Variants in GABRG3 observed in about 807,000 individuals in gnomAD.
The protein encoded by GABRG3 is gamma-aminobutyric acid type A receptor subunit gamma3.
GABRG3 carries 25 observed loss-of-function variants against 48.8 expected under a neutral mutation model. The observed-to-expected ratio is 0.51, with a 90% CI of 0.37 to 0.72. The LOEUF is 0.72. GABRG3 is among the 30% of genes least tolerant of loss of function. The pLI, the probability that GABRG3 is intolerant of heterozygous loss-of-function variation, is 0.00. For synonymous variants in GABRG3, 227 were observed against 217.6 expected, an observed-to-expected ratio of 1.04 and a Z score of -0.38; for missense variants, 394 against 577.9, an observed-to-expected ratio of 0.68 and a Z score of 3.26.
intron 2 of GABRG3, among the ~76,000 whole-genome samples, chr15:27,009,947 TTTC>T (rs907629477): frequency 6.6e-5 from 10 of 152,112 alleles, no homozygotes; most frequent in African/African-American, 1.4e-4. Context: ...TTCATTCTTC[TTTC>T]TTCTTCTTTT....
chr15:27,336,577 T>G (rs932038783), intron 5 of GABRG3, among the ~76,000 whole-genome samples: 1 of 152,248 alleles, frequency 6.6e-6, no homozygotes, highest in Non-Finnish European at 1.5e-5. Flanking sequence ...CTGGTGGGAA[T>G]GTAGAATGAC....
intron 3 of GABRG3, among the ~76,000 whole-genome samples, chr15:27,238,973 C>T (rs1890057320): frequency 6.6e-6 from 1 of 152,066 alleles, no homozygotes; most frequent in Non-Finnish European, 1.5e-5. Context: ...GAAGTGTCAA[C>T]CTAAATAACA....
At chr15:27,413,886 A>T (rs1887869116) in intron 5 of GABRG3, among the ~76,000 whole-genome samples, 1 of 152,186 alleles carries the variant, frequency 6.6e-6, no homozygotes, top group African/African-American at 2.4e-5. Context: ...CAGTTAATTA[A>T]TGTTCATGTT....
intron 3 of GABRG3, among the ~76,000 whole-genome samples, chr15:27,249,143 C>T (rs868258916): frequency 6.6e-6 from 1 of 152,182 alleles, no homozygotes; most frequent in African/African-American, 2.4e-5. Context: ...TCAGGTGATG[C>T]GGCTGCGGGA....
intron 2 of GABRG3, among the ~76,000 whole-genome samples, chr15:27,022,736 G>A (rs1449277393): frequency 6.6e-6 from 1 of 152,136 alleles, no homozygotes; most frequent in Non-Finnish European, 1.5e-5. Flanking sequence ...CAGCAAGGCT[G>A]CTGTCAGGTC....
intron 5 of GABRG3, among the ~76,000 whole-genome samples, chr15:27,393,863 G>T (rs1420934849): frequency 6.6e-6 from 1 of 152,262 alleles, no homozygotes; most frequent in East Asian, 1.9e-4. Context: ...ATTACTGAAT[G>T]GGCTTACGAT....
At chr15:27,231,409 A>C (rs946562981) in intron 3 of GABRG3, among the ~76,000 whole-genome samples, 1 of 152,234 alleles carries the variant, frequency 6.6e-6, no homozygotes, top group African/African-American at 2.4e-5. Flanking sequence ...CAAAGCTTGA[A>C]GCTTTGAAGC....
intron 2 of GABRG3, among the ~76,000 whole-genome samples, chr15:26,998,248 C>G (rs1378543277): frequency 6.6e-6 from 1 of 152,154 alleles, no homozygotes; most frequent in Non-Finnish European, 1.5e-5. Context: ...CTTGATTGCT[C>G]TCCATCAAGA....
chr15:27,337,849 C>T (rs907819771), intron 5 of GABRG3, among the ~76,000 whole-genome samples: 29 of 152,182 alleles, frequency 1.9e-4, no homozygotes, highest in Admixed American at 5.2e-4. Flanking sequence ...CTCTCACACA[C>T]ACAAATAAGC....
Position 26,977,138 on chromosome 15 carries a change from C to A in GABRG3, c.190C>A (p.Pro64Thr). 1 of 1,612,170 alleles carries A rather than the reference C, an allele frequency of 6.2e-7. No individual in the cohort carries two copies. Among genetic ancestry groups the A allele is most frequent in the Non-Finnish European group, 8.5e-7 (1 of 1,178,946 alleles). The change falls in exon 2 of 10, where the codon CCA becomes ACA. Residue 64 changes from proline to threonine, a missense_variant. Around this residue, in one of 3 missense-constraint regions of GABRG3, gnomAD observed 218 missense variants for 309.9 expected, o/e 0.70. Transcript: ENST00000615808. ...LLREYDKKLR[P>T]DIGIKPTVID... ...AAGAGAATATGATAAAAAGCTGAGG[C>A]CAGATATTGGAAGTGAGTGTTGTTT...
intron 3 of GABRG3, among the ~76,000 whole-genome samples, chr15:27,259,771 A>G (rs1018179314): frequency 6.6e-6 from 1 of 152,150 alleles, no homozygotes; most frequent in African/African-American, 2.4e-5. Flanking sequence ...TACAATGGAG[A>G]CAAGATATTA....
chr15:27,501,580 C>A (rs1042258316), intron 6 of GABRG3, among the ~76,000 whole-genome samples: 1 of 152,120 alleles, frequency 6.6e-6, no homozygotes, highest in African/African-American at 2.4e-5. Flanking sequence ...TAACTGACAG[C>A]TCATCTCTCA....
At chr15:27,293,443 C>G (rs1389210554) in intron 3 of GABRG3, among the ~76,000 whole-genome samples, 3 of 135,524 alleles carry the variant, frequency 2.2e-5, no homozygotes, top group Non-Finnish European at 2.9e-5. Flanking sequence ...AATCCCAGCA[C>G]TTTGAGGGAT....
intron 3 of GABRG3, among the ~76,000 whole-genome samples, chr15:27,101,153 A>C (rs1265648628): frequency 6.6e-6 from 1 of 152,240 alleles, no homozygotes; most frequent in Admixed American, 6.5e-5. Flanking sequence ...TTACATTTGT[A>C]TATAATAACA....
At chr15:27,003,717 C>T (rs559002800) in intron 2 of GABRG3, among the ~76,000 whole-genome samples, 13,004 of 152,026 alleles carry the variant, frequency 0.086, 637 homozygotes, top group Middle Eastern at 0.22. Context: ...CATCATGGCC[C>T]GTTCTCAATG....
intron 3 of GABRG3, among the ~76,000 whole-genome samples, chr15:27,261,870 CAAT>C (rs1310844738): frequency 1.3e-5 from 2 of 151,918 alleles, no homozygotes. Context: ...GAGTTTAGGC[CAAT>C]AATAATGTTT....
chr15:27,480,258 G>T (rs758386566), intron 5 of GABRG3, among the ~76,000 whole-genome samples: 4 of 152,224 alleles, frequency 2.6e-5, no homozygotes, highest in Non-Finnish European at 5.9e-5. Context: ...GGGAAGGATG[G>T]AAGGTGTGTG....
chr15:27,019,519 A>T (rs1005620152), intron 2 of GABRG3, among the ~76,000 whole-genome samples: 3 of 152,230 alleles, frequency 2.0e-5, no homozygotes, highest in Admixed American at 6.5e-5. Flanking sequence ...TGGGAACAGG[A>T]ATGCTACTGC....
At position 26,977,168 on chromosome 15, in the gene GABRG3, T is replaced by C; in HGVS notation, c.202+18T>C. 1 of 1,602,362 alleles carries C rather than the reference T, an allele frequency of 6.2e-7. No individual in the cohort carries two copies. Among genetic ancestry groups the C allele is most frequent in the Non-Finnish European group, 8.5e-7 (1 of 1,174,632 alleles). The stretch of plus-strand genomic sequence containing the variant: ...TATTGGAAGTGAGTGTTGTTTTTTG[T>C]TATTCTAATAGAAAAATATGCTGTA... On this transcript the variant is annotated intron_variant, in intron 2 of 9. Transcript: ENST00000615808.
Sources: gnomAD v4.1 joint callset for allele counts (sites outside exome capture counted in the v4.1 genomes callset) on GRCh38, gnomAD v4.1.1 for gene constraint, gnomAD v4.1.1 regional missense constraint, MANE v1.5 for transcripts, NCBI Gene and HGNC (gene_info 2026-07-23, HGNC 2026-07-21) for gene names.